The following SH3GL2 variants were observed in gnomAD, a reference collection of about 807,000 sequenced individuals.
The protein encoded by SH3GL2 is endophilin-A1.
In SH3GL2, 24 loss-of-function variants were observed where a neutral mutation model predicts 46.0. The ratio of observed to expected loss-of-function variants is 0.52; its 90% CI spans 0.38 to 0.73. The LOEUF (loss-of-function observed/expected upper bound fraction) is 0.73. SH3GL2 is among the 30% of genes least tolerant of loss of function. SH3GL2 has a pLI of 0.00. For synonymous variants in SH3GL2, 196 were observed against 147.1 expected, an observed-to-expected ratio of 1.33 and a Z score of -2.40; for missense variants, 413 against 424.2, an observed-to-expected ratio of 0.97 and a Z score of 0.23.
At chr9:17,742,113 A>T (rs577376413) in intron 1 of SH3GL2, among the ~76,000 whole-genome samples, 1 of 152,248 alleles carries the variant, frequency 6.6e-6, no homozygotes, top group Admixed American at 6.5e-5. Flanking sequence ...GGTATGAATA[A>T]ATTTGGTCTT....
chr9:17,756,909 C>A (rs542243406), intron 2 of SH3GL2, among the ~76,000 whole-genome samples: 2 of 152,204 alleles, frequency 1.3e-5, no homozygotes, highest in Non-Finnish European at 2.9e-5. Context: ...ACACTGTCTT[C>A]CACAATGGTT....
At chr9:17,669,051 G>T (rs1406460183) in intron 1 of SH3GL2, among the ~76,000 whole-genome samples, 1 of 152,066 alleles carries the variant, frequency 6.6e-6, no homozygotes, top group African/African-American at 2.4e-5. Flanking sequence ...TCTATTTTTG[G>T]ACTTCAAAGT....
chr9:17,621,302 C>T (rs1026148887), intron 1 of SH3GL2, among the ~76,000 whole-genome samples: 1 of 152,154 alleles, frequency 6.6e-6, no homozygotes, highest in East Asian at 1.9e-4. Context: ...CTACAATTTC[C>T]GAATCATACA....
At chr9:17,786,126 G>C (rs563633161) in intron 3 of SH3GL2, among the ~76,000 whole-genome samples, 39 of 152,252 alleles carry the variant, frequency 2.6e-4, no homozygotes, top group African/African-American at 9.4e-4. Flanking sequence ...TAGAATTTGA[G>C]CGTGTAATCC....
At chr9:17,764,712 G>C (rs1823272548) in intron 3 of SH3GL2, among the ~76,000 whole-genome samples, 1 of 90,064 alleles carries the variant, frequency 1.1e-5, no homozygotes, top group Non-Finnish European at 2.3e-5. Context: ...ACATGGACAG[G>C]CCAGGGGAAT....
chr9:17,584,186 C>G (rs1818327279), intron 1 of SH3GL2, among the ~76,000 whole-genome samples: 1 of 152,188 alleles, frequency 6.6e-6, no homozygotes, highest in South Asian at 2.1e-4. Flanking sequence ...TTCCTAATTG[C>G]TGCCCCTTCC....
At chr9:17,634,224 A>G (rs1819494518) in intron 1 of SH3GL2, among the ~76,000 whole-genome samples, 1 of 152,208 alleles carries the variant, frequency 6.6e-6, no homozygotes, top group Non-Finnish European at 1.5e-5. Flanking sequence ...TGCTTGGTCC[A>G]TACTAACCCA....
At chr9:17,666,707 C>T (rs1232202614) in intron 1 of SH3GL2, among the ~76,000 whole-genome samples, 1 of 151,996 alleles carries the variant, frequency 6.6e-6, no homozygotes, top group African/African-American at 2.4e-5. Flanking sequence ...TTCGGAAACA[C>T]TGTAGTGGAT....
intron 1 of SH3GL2, among the ~76,000 whole-genome samples, chr9:17,605,880 G>A (rs1279340249): frequency 6.6e-6 from 1 of 152,050 alleles, no homozygotes. Flanking sequence ...TCCTGTATGG[G>A]TGTGGCCATA....
At position 17,694,178 on chromosome 9, in the gene SH3GL2, T is replaced by C. The variant is rs556336236; in HGVS notation, c.46-52888T>C. 5.3e-5 allele frequency among the ~76,000 whole-genome samples: 8 copies of C among 152,268 alleles called. No individual in the cohort carries two copies. In the East Asian group the frequency reaches 1.5e-3, roughly 29 times the overall value. The stretch of plus-strand genomic sequence containing the variant: ...AGAAGTACCTGAGACTGGTAATTTA[T>C]GAAGAAAAGAGGCTTAATTGACTCA... On this transcript the variant is annotated intron_variant, in intron 1 of 8. Transcript: ENST00000380607.
chr9:17,624,751 C>G (rs1819242021), intron 1 of SH3GL2, among the ~76,000 whole-genome samples: 1 of 152,146 alleles, frequency 6.6e-6, no homozygotes. Context: ...TACTCTAGCC[C>G]TGGAGCCATC....
intron 1 of SH3GL2, among the ~76,000 whole-genome samples, chr9:17,746,075 A>T (rs977693848): frequency 1.3e-5 from 2 of 151,918 alleles, no homozygotes; most frequent in Non-Finnish European, 2.9e-5. Context: ...AGTGTATCTA[A>T]TTTTTTTATT....
At chr9:17,693,750 C>G (rs77870323) in intron 1 of SH3GL2, among the ~76,000 whole-genome samples, 2 of 152,148 alleles carry the variant, frequency 1.3e-5, no homozygotes, top group Non-Finnish European at 1.5e-5. Context: ...ATGAATCAAG[C>G]GAGCAGTGAA....
chr9:17,790,925 C>T (rs535756865), intron 6 of SH3GL2, among the ~76,000 whole-genome samples: 1 of 152,282 alleles, frequency 6.6e-6, no homozygotes, highest in African/African-American at 2.4e-5. Context: ...AGTCAAATCC[C>T]AGATACAAGA....
At chr9:17,701,508 G>A (rs1806822827) in intron 1 of SH3GL2, among the ~76,000 whole-genome samples, 1 of 151,978 alleles carries the variant, frequency 6.6e-6, no homozygotes, top group African/African-American at 2.4e-5. Flanking sequence ...AGAAATTGGG[G>A]AACAGGTAGT....
intron 1 of SH3GL2, among the ~76,000 whole-genome samples, chr9:17,638,068 A>C (rs1283414220): frequency 6.6e-6 from 1 of 151,988 alleles, no homozygotes; most frequent in East Asian, 1.9e-4. Flanking sequence ...GAGGCAGGAG[A>C]ATGGCATGAA....
chr9:17,762,516 A>T (rs1018564583), intron 3 of SH3GL2, among the ~76,000 whole-genome samples: 2 of 151,770 alleles, frequency 1.3e-5, no homozygotes, highest in Non-Finnish European at 2.9e-5. Flanking sequence ...TTCCATCCTT[A>T]TTCACCTATG....
At chr9:17,683,025 A>T (rs1820813802) in intron 1 of SH3GL2, among the ~76,000 whole-genome samples, 1 of 152,120 alleles carries the variant, frequency 6.6e-6, no homozygotes, top group Non-Finnish European at 1.5e-5. Context: ...TCATCAGAGA[A>T]TTTCGGTCAT....
At chr9:17,655,994 C>G (rs180926369) in intron 1 of SH3GL2, among the ~76,000 whole-genome samples, 30 of 152,300 alleles carry the variant, frequency 2.0e-4, no homozygotes, top group Non-Finnish European at 2.4e-4. Flanking sequence ...GTTGGCACAT[C>G]TCTTAAATTC....
Sources: gnomAD v4.1 joint callset for allele counts (sites outside exome capture counted in the v4.1 genomes callset) on GRCh38, gnomAD v4.1.1 for gene constraint, MANE v1.5 for transcripts, NCBI Gene and HGNC (gene_info 2026-07-23, HGNC 2026-07-21) for gene names.